C19orf47: variants seen among roughly 807,000 people sequenced by gnomAD.
C19orf47 encodes the protein uncharacterized protein C19orf47.
Under a neutral mutation model 32.3 loss-of-function variants are expected in C19orf47, and 18 were observed. The ratio of observed to expected loss-of-function variants is 0.56; its 90% CI spans 0.39 to 0.83. The LOEUF is 0.83. Ranked by LOEUF, C19orf47 falls within the 40% of genes least tolerant of loss-of-function variation. The pLI, the probability that C19orf47 is intolerant of heterozygous loss-of-function variation, is 0.00. For missense variants in C19orf47, 484 were observed against 531.6 expected (o/e 0.91, Z 0.88); for synonymous variants, 202 against 211.1 (o/e 0.96, Z 0.37).
At chr19:40,316,966 G>A (rs73933249), downstream of C19orf47, among the ~76,000 whole-genome samples, 67 of 151,494 alleles carry the variant, frequency 4.4e-4, no homozygotes, top group Middle Eastern at 3.4e-3. Flanking sequence ...GTGTGTGTGT[G>A]TACATCTCAC....
At chr19:40,304,695 G>A in the C19orf47 span, among the ~76,000 whole-genome samples, 2 of 152,020 alleles carry the variant, frequency 1.3e-5, no homozygotes, top group African/African-American at 4.8e-5. Flanking sequence ...TGGGGCTCCT[G>A]TGCATACTTA....
At chr19:40,341,555 T>C (rs1236433262) in intron 2 of C19orf47, among the ~76,000 whole-genome samples, 1 of 152,158 alleles carries the variant, frequency 6.6e-6, no homozygotes, top group Non-Finnish European at 1.5e-5. Flanking sequence ...TCATTTCCAT[T>C]TCACAGGTGA....
At chr19:40,343,169 C>T (rs1162637506) in intron 1 of C19orf47, among the ~76,000 whole-genome samples, 1 of 152,122 alleles carries the variant, frequency 6.6e-6, no homozygotes, top group Non-Finnish European at 1.5e-5. Context: ...CTCCTCTGCC[C>T]TCTTCCCTCA....
Position 40,322,183 on chromosome 19 carries a change from G to A in C19orf47, c.857C>T (p.Thr286Met), listed in dbSNP as rs780150425. 14 of 1,611,924 alleles carry A rather than the reference G, an allele frequency of 8.7e-6. No individual in the cohort carries two copies. Among genetic ancestry groups the A allele is most frequent in the African/African-American group, 5.3e-5 (4 of 74,944 alleles). ...GCGCCGCAGTGTCGGGGCAGCAGCC[G>A]TTGTCGCTGAGCTTGTGGCCTTGGC... ...VKAKATSSAT[T>M]AAAPTLRRLA... Residue 286 changes from threonine to methionine, a missense_variant, in exon 9 of 9, where the codon ACG (threonine) becomes ATG (methionine). This residue lies in a region of C19orf47 where 376 missense variants were observed against 370.2 expected (regional missense o/e 1.02). Coordinates refer to ENST00000683109, the MANE Select transcript of C19orf47 (RefSeq NM_001256441.2).
intron 5 of C19orf47, among the ~76,000 whole-genome samples, chr19:40,332,048 A>T (rs2077964879): frequency 6.6e-6 from 1 of 152,078 alleles, no homozygotes; most frequent in Non-Finnish European, 1.5e-5. Flanking sequence ...CAAAAAAAAA[A>T]AAAAATGGTA....
chr19:40,295,923 T>C, the C19orf47 span, among the ~76,000 whole-genome samples: 2 of 151,996 alleles, frequency 1.3e-5, no homozygotes, highest in South Asian at 2.1e-4. Flanking sequence ...ATATTTTTAG[T>C]TTTGTAGAGA....
At chr19:40,324,337 C>T (rs950831563) in intron 7 of C19orf47, 2 of 531,418 alleles carry the variant, frequency 3.8e-6, no homozygotes, top group South Asian at 2.5e-5. Flanking sequence ...ACTGTGTGCA[C>T]GGGAAGAGTT....
At chr19:40,317,681 C>G (rs1267535775), downstream of C19orf47, among the ~76,000 whole-genome samples, 1 of 151,570 alleles carries the variant, frequency 6.6e-6, no homozygotes, top group Non-Finnish European at 1.5e-5. Context: ...GTGCGGACAT[C>G]TACACATGGA....
chr19:40,323,103 C>A (rs2077755383), intron 8 of C19orf47, among the ~76,000 whole-genome samples: 1 of 152,240 alleles, frequency 6.6e-6, no homozygotes, highest in Admixed American at 6.5e-5. Flanking sequence ...ATGCGCCCAG[C>A]TCTTCATAGG....
intron 8 of C19orf47, among the ~76,000 whole-genome samples, chr19:40,323,260 C>T (rs917663280): frequency 3.3e-5 from 5 of 152,254 alleles, no homozygotes; most frequent in African/African-American, 9.6e-5. Context: ...CAATAGTTCA[C>T]CAACAGGCGC....
chr19:40,309,496 CTCTTT>C, the C19orf47 span, among the ~76,000 whole-genome samples: 1 of 151,996 alleles, frequency 6.6e-6, no homozygotes, highest in African/African-American at 2.4e-5. Context: ...GCCTATTTCT[CTCTTT>C]TATTTTGGTT....
At position 40,320,214 on chromosome 19, in the gene C19orf47, C is replaced by G. The variant is rs2077696823; in HGVS notation, c.*1668G>C. The G allele has an allele frequency of 6.4e-6, 1 of 155,486 alleles. No individual in the cohort carries two copies. The allele number at this position is 155,486 out of a possible 1,614,324, so 9.6% of individuals were successfully genotyped here. A position where few individuals can be genotyped will look rare whatever the true frequency, so the allele number is the denominator to read the frequency against. On this transcript the variant is annotated 3_prime_UTR_variant, in exon 9 of 9. Coordinates refer to ENST00000683109, the MANE Select transcript of C19orf47 (RefSeq NM_001256441.2). ...CCTGGACTGCTGCAGTGGCATCCAC[C>G]CCAGCCCTCCCAGCCATTCCTTCTC...
chr19:40,308,465 CT>C, the C19orf47 span, among the ~76,000 whole-genome samples: 993 of 119,954 alleles, frequency 8.3e-3, 6 homozygotes, highest in Middle Eastern at 0.021. Context: ...AGAAAGTCAA[CT>C]TTTTTTTTTT....
At chr19:40,299,697 G>T in the C19orf47 span, 1 of 152,130 alleles carries the variant, frequency 6.6e-6, no homozygotes, top group Non-Finnish European at 1.5e-5. Context: ...TTGAGCCCCT[G>T]GGAAAGCTCA....
At chr19:40,317,728 G>GTTTTTTTTTTTTTTTTTTTTTT (rs760108426), downstream of C19orf47, among the ~76,000 whole-genome samples, 1 of 143,052 alleles carries the variant, frequency 7.0e-6, no homozygotes, top group Non-Finnish European at 1.5e-5. Context: ...TTTTTTTTTT[G>GTTTTTTTTTTTTTTTTTTTTTT]TTTTTTTTTT....
rs117952747 is a variant in C19orf47 at position 40,321,915 on chromosome 19, G to A, written c.1125C>T (p.Ser375=). Residue 375 remains serine, a synonymous_variant, in exon 9 of 9, where the codon AGC becomes AGT. Transcript: ENST00000683109. ...TCCTGCGGCCCAGTCTTTTGAACAC[G>A]CTCACAGTGCCCGCGTGGTCCATCT... ...GAQMDHAGTV[S]VFKRLGRRTF is the part of the protein sequence containing the mutation. 2.8e-4 allele frequency: 456 copies of A among 1,611,788 alleles called. 1 individual carries two copies. Among genetic ancestry groups the A allele is most frequent in the Non-Finnish European group, 3.7e-4 (434 of 1,179,306 alleles).
At chr19:40,327,828 T>C (rs76102626) in intron 6 of C19orf47, among the ~76,000 whole-genome samples, 13 of 151,966 alleles carry the variant, frequency 8.6e-5, no homozygotes, top group Non-Finnish European at 1.5e-4. Context: ...GGCCCCATGA[T>C]GGGAAGGAGG....
At chr19:40,328,308 G>C in intron 6 of C19orf47, 105 bp downstream of exon 6, 1 of 1,485,202 alleles carries the variant, frequency 6.7e-7, no homozygotes, top group Non-Finnish European at 9.1e-7. Context: ...TGTATACCTT[G>C]TGGCCTTCAA....
intron 4 of C19orf47, chr19:40,335,003 A>G (rs2078032013): frequency 9.5e-6 from 1 of 105,436 alleles, no homozygotes; most frequent in African/African-American, 3.6e-5. Context: ...AAAGGGAAGG[A>G]GGGAGGGAGG....
Sources: gnomAD v4.1 joint callset for allele counts (sites outside exome capture counted in the v4.1 genomes callset) on GRCh38, gnomAD v4.1.1 for gene constraint, gnomAD v4.1.1 regional missense constraint, MANE v1.5 for transcripts, NCBI Gene and HGNC (gene_info 2026-07-23, HGNC 2026-07-21) for gene names.